The following CHD6 variants were observed in gnomAD, a reference collection of about 807,000 sequenced individuals.
The protein encoded by CHD6 is ATP-dependent chromatin remodeler CHD6.
CHD6 carries 50 observed loss-of-function variants against 276.9 expected under a neutral mutation model. The observed-to-expected ratio is 0.18, with a 90% confidence interval of 0.14 to 0.23. The LOEUF is 0.23. Ranked by LOEUF, CHD6 falls within the 10% of genes least tolerant of loss-of-function variation. The pLI is 1.00. For synonymous variants in CHD6, 1,173 were observed against 1,229.3 expected (o/e 0.95, Z 0.96); for missense variants, 2,564 against 3,365.8 (o/e 0.76, Z 5.89).
intron 1 of CHD6, among the ~76,000 whole-genome samples, chr20:41,596,454 G>A (rs556684790): frequency 1.4e-4 from 22 of 151,868 alleles, no homozygotes; most frequent in Non-Finnish European, 2.2e-4. Context: ...TTCTCTTTTC[G>A]AGGGAGGAAA....
rs2043506512 is a variant in CHD6 at position 41,489,817 on chromosome 20, C to T, written c.1641G>A (p.Gln547=). The T allele has an allele frequency of 3.1e-6, 5 of 1,613,912 alleles. No homozygotes were observed. The highest frequency in any genetic ancestry group is 1.3e-5 in the African/African-American group (1 of 74,910). The stretch of plus-strand genomic sequence containing the variant: ...ACACCATTTCATACTGCTGGATCAT[C>T]TGCCTGCTGATCTGGCTGCCGTGGT... ...IVYHGSQISR[Q]MIQQYEMVYR... The change falls in exon 12 of 37, where the codon CAG becomes CAA. Residue 547 remains glutamine, a synonymous_variant. Transcript: ENST00000373233.
At chr20:41,490,282 G>T (rs181849318) in intron 11 of CHD6, among the ~76,000 whole-genome samples, 1 of 152,082 alleles carries the variant, frequency 6.6e-6, no homozygotes, top group Non-Finnish European at 1.5e-5. Context: ...GCATCACTGC[G>T]TGACTGTTTC....
At chr20:41,464,502 A>C (rs2042873748) in intron 17 of CHD6, among the ~76,000 whole-genome samples, 1 of 152,258 alleles carries the variant, frequency 6.6e-6, no homozygotes, top group Non-Finnish European at 1.5e-5. Context: ...TATGATAACA[A>C]GGTCCAGGCT....
chr20:41,603,237 A>G (rs1236647362), intron 1 of CHD6, among the ~76,000 whole-genome samples: 1 of 152,018 alleles, frequency 6.6e-6, no homozygotes, highest in East Asian at 2.0e-4. Flanking sequence ...CAGCAGTCCC[A>G]GCTCCGTGGG....
intron 33 of CHD6, 60 bp downstream of exon 33, chr20:41,416,526 CAG>C: frequency 6.8e-7 from 1 of 1,467,796 alleles, no homozygotes; most frequent in South Asian, 1.3e-5. Context: ...ATGAACTCAA[CAG>C]AGACGTGGAA....
intron 36 of CHD6, among the ~76,000 whole-genome samples, chr20:41,406,047 T>A (rs2046665041): frequency 6.6e-6 from 1 of 152,148 alleles, no homozygotes; most frequent in South Asian, 2.1e-4. Context: ...GTACCTATCT[T>A]TAGAGTCACG....
chr20:41,474,306 A>G (rs953631632), intron 16 of CHD6, among the ~76,000 whole-genome samples: 1 of 152,200 alleles, frequency 6.6e-6, no homozygotes, highest in Non-Finnish European at 1.5e-5. Flanking sequence ...GAAAAAGAAT[A>G]AGAAATGAAA....
intron 1 of CHD6, among the ~76,000 whole-genome samples, chr20:41,570,033 C>T (rs1012503777): frequency 2.0e-5 from 3 of 152,148 alleles, no homozygotes; most frequent in Admixed American, 1.3e-4. Context: ...TAAGGTTTTT[C>T]TAGATACAGA....
At chr20:41,435,374 T>C (rs1308008425) in intron 27 of CHD6, among the ~76,000 whole-genome samples, 1 of 151,990 alleles carries the variant, frequency 6.6e-6, no homozygotes, top group Admixed American at 6.6e-5. Flanking sequence ...GGAGGGAGGA[T>C]TGCTTGAACT....
At chr20:41,509,507 G>T (rs572620388) in intron 5 of CHD6, among the ~76,000 whole-genome samples, 3 of 152,116 alleles carry the variant, frequency 2.0e-5, no homozygotes, top group Non-Finnish European at 2.9e-5. Flanking sequence ...AGGAACTTTC[G>T]GGAGGAGGAA....
rs139945163 is a variant in CHD6 at position 41,488,010 on chromosome 20, T to C, written c.1858-202A>G. Among the ~76,000 whole-genome samples, 61 of 152,228 alleles carry C rather than the reference T, an allele frequency of 4.0e-4. No homozygotes were observed. In the Middle Eastern group the frequency reaches 0.017, roughly 42 times the overall value. On this transcript the variant is annotated intron_variant, in intron 13 of 36. Coordinates refer to ENST00000373233, the MANE Select transcript of CHD6 (RefSeq NM_032221.5). ...TCACATCACTGATTCCAGCAGCACG[T>C]TCATGTTAATTAAAGCAACTATTCA...
At chr20:41,504,327 A>G (rs2043920926) in intron 5 of CHD6, among the ~76,000 whole-genome samples, 1 of 138,276 alleles carries the variant, frequency 7.2e-6, no homozygotes, top group South Asian at 2.3e-4. Flanking sequence ...CTGCTATCTG[A>G]TTTTCTTTAT....
chr20:41,488,742 A>G (rs1289236980), intron 12 of CHD6, 138 bp from the exon 13 acceptor site: 24 of 701,966 alleles, frequency 3.4e-5, no homozygotes, highest in Non-Finnish European at 4.9e-5. Context: ...CTCATGTGAG[A>G]AAAGAGAATA....
chr20:41,541,595 T>C (rs1381541818), intron 2 of CHD6, among the ~76,000 whole-genome samples: 1 of 152,108 alleles, frequency 6.6e-6, no homozygotes, highest in Non-Finnish European at 1.5e-5. Flanking sequence ...AAGAAGAACC[T>C]ACAGAGTGAG....
At chr20:41,406,962 T>G (rs1245712746) in intron 36 of CHD6, among the ~76,000 whole-genome samples, 1 of 152,200 alleles carries the variant, frequency 6.6e-6, no homozygotes, top group Non-Finnish European at 1.5e-5. Flanking sequence ...TGCTACAAAG[T>G]CAGTGCTGTT....
intron 2 of CHD6, among the ~76,000 whole-genome samples, chr20:41,536,628 C>A (rs980161845): frequency 2.6e-5 from 4 of 152,202 alleles, no homozygotes; most frequent in Admixed American, 1.3e-4. Flanking sequence ...ATAACCATTT[C>A]TATACCTTTT....
chr20:41,596,640 G>C (rs940783376), intron 1 of CHD6, among the ~76,000 whole-genome samples: 2 of 151,738 alleles, frequency 1.3e-5, no homozygotes, highest in Non-Finnish European at 2.9e-5. Flanking sequence ...AAGGGATTCA[G>C]GAATCAGTGC....
chr20:41,473,263 A>G lies in CHD6; in HGVS notation c.2664+59T>C. The G allele has an allele frequency of 1.3e-6, 2 of 1,526,544 alleles. No individual in the cohort carries two copies. Among genetic ancestry groups the G allele is most frequent in the Non-Finnish European group, 1.8e-6 (2 of 1,111,444 alleles). 94.6% of individuals were successfully genotyped at this position (1,526,544 alleles called of 1,614,324 possible). ...ATGCTCTGTAGCCAAGCCAGGCCCTATCATGATGTTCTGGGATCCAGGGCA... is the reference window on the plus strand; with the variant it reads ...ATGCTCTGTAGCCAAGCCAGGCCCTGTCATGATGTTCTGGGATCCAGGGCA... On this transcript the variant is annotated intron_variant, in intron 17 of 36. Coordinates refer to ENST00000373233, the MANE Select transcript of CHD6 (RefSeq NM_032221.5). This position sits in a 1 kb window ranked among gnomAD's most constrained non-coding sequence, Gnocchi z 4.1.
intron 36 of CHD6, among the ~76,000 whole-genome samples, chr20:41,409,273 G>A (rs149723733): frequency 1.6e-4 from 24 of 152,284 alleles, no homozygotes; most frequent in African/African-American, 4.8e-4. Flanking sequence ...CACACACAGC[G>A]GCCAGGCGGG....
Sources: gnomAD v4.1 joint callset for allele counts (sites outside exome capture counted in the v4.1 genomes callset) on GRCh38, gnomAD v4.1.1 for gene constraint, Gnocchi (gnomAD v3.1) non-coding constraint, MANE v1.5 for transcripts, NCBI Gene and HGNC (gene_info 2026-07-23, HGNC 2026-07-21) for gene names.